GRIK1: variants seen among roughly 807,000 people sequenced by gnomAD.
The protein encoded by GRIK1 is glutamate ionotropic receptor kainate type subunit 1, also known as glutamate receptor ionotropic, kainate 1.
Under a neutral mutation model 105.7 loss-of-function variants are expected in GRIK1, and 69 were observed. The ratio of observed to expected loss-of-function variants is 0.65; its 90% CI spans 0.54 to 0.80. The LOEUF (loss-of-function observed/expected upper bound fraction) is 0.80, where lower values mean the gene tolerates loss of function less well. Ranked by LOEUF, GRIK1 falls within the 30% of genes least tolerant of loss-of-function variation. The probability of loss-of-function intolerance (pLI) is 0.00; values close to 1 mark genes in which losing one functional copy is unlikely to be tolerated. For synonymous variants in GRIK1, 438 were observed against 431.3 expected, an observed-to-expected ratio of 1.02 and a Z score of -0.19; for missense variants, 1,109 against 1,167.3, an observed-to-expected ratio of 0.95 and a Z score of 0.73.
chr21:29,927,257 T>C (rs2071401848), intron 1 of GRIK1, among the ~76,000 whole-genome samples: 1 of 151,802 alleles, frequency 6.6e-6, no homozygotes, highest in Non-Finnish European at 1.5e-5. Flanking sequence ...AATTTATCTA[T>C]GAATACACGT....
intron 1 of GRIK1, among the ~76,000 whole-genome samples, chr21:29,833,734 T>A (rs1385150168): frequency 6.6e-6 from 1 of 151,826 alleles, no homozygotes; most frequent in East Asian, 1.9e-4. Flanking sequence ...GGAACACAAA[T>A]CCAAACCATA....
intron 4 of GRIK1, among the ~76,000 whole-genome samples, chr21:29,660,110 G>T (rs545318330): frequency 2.2e-4 from 34 of 152,188 alleles, no homozygotes; most frequent in Non-Finnish European, 3.1e-4. Context: ...TGACAGCAGT[G>T]ATCCCACATT....
chr21:29,751,617 CCTT>C (rs1601600325), intron 1 of GRIK1, among the ~76,000 whole-genome samples: 1 of 152,268 alleles, frequency 6.6e-6, no homozygotes, highest in Non-Finnish European at 1.5e-5. Flanking sequence ...CTCCATAAGT[CCTT>C]CTTTATTTCT....
At chr21:29,709,705 A>G (rs1029679487) in intron 1 of GRIK1, among the ~76,000 whole-genome samples, 1 of 151,490 alleles carries the variant, frequency 6.6e-6, no homozygotes, top group Non-Finnish European at 1.5e-5. Context: ...ATCATACAAT[A>G]TTTTTTCCTA....
rs532899891 is a variant in GRIK1 at position 29,715,323 on chromosome 21, A to C, written c.119-21260T>G. Among the ~76,000 whole-genome samples, 5 of 152,310 alleles carry C rather than the reference A, an allele frequency of 3.3e-5. No individual in the cohort carries two copies. In the South Asian group the frequency reaches 1.0e-3, roughly 32 times the overall value. The stretch of plus-strand genomic sequence containing the variant: ...ATAATCTGCTGACGCAAGGCAGCTC[A>C]AGGTGGAAAGGGGCTTACACCATTC... On this transcript the variant is annotated intron_variant, in intron 1 of 17. Coordinates refer to ENST00000327783, the MANE Select transcript of GRIK1 (RefSeq NM_001330994.2).
At chr21:29,698,798 G>T (rs1420272408) in intron 1 of GRIK1, among the ~76,000 whole-genome samples, 1 of 152,114 alleles carries the variant, frequency 6.6e-6, no homozygotes, top group Non-Finnish European at 1.5e-5. Flanking sequence ...CGAAGCAAAG[G>T]GTTGGAAAGT....
intron 1 of GRIK1, among the ~76,000 whole-genome samples, chr21:29,710,022 G>A (rs539217083): frequency 6.6e-6 from 1 of 151,482 alleles, no homozygotes; most frequent in East Asian, 1.9e-4. Flanking sequence ...GGTTTGGAAG[G>A]CAGATTGAAA....
intron 3 of GRIK1, among the ~76,000 whole-genome samples, chr21:29,681,319 A>T (rs779879901): frequency 2.6e-4 from 40 of 152,182 alleles, no homozygotes; most frequent in Non-Finnish European, 3.4e-4. Context: ...TTCCAGGCAG[A>T]GCACAAGCTC....
intron 1 of GRIK1, among the ~76,000 whole-genome samples, chr21:29,883,581 C>A (rs977385214): frequency 3.9e-5 from 6 of 152,000 alleles, no homozygotes; most frequent in Non-Finnish European, 7.4e-5. Flanking sequence ...GCTTATTAGA[C>A]CTTCCAAATC....
chr21:29,616,103 A>G (rs1488616071), intron 7 of GRIK1, among the ~76,000 whole-genome samples: 2 of 152,226 alleles, frequency 1.3e-5, no homozygotes, highest in Non-Finnish European at 2.9e-5. Context: ...TGCACTTTCG[A>G]AAGTTAAATC....
intron 1 of GRIK1, among the ~76,000 whole-genome samples, chr21:29,870,115 A>G (rs1042271281): frequency 2.0e-5 from 3 of 152,182 alleles, no homozygotes; most frequent in African/African-American, 7.2e-5. Flanking sequence ...TTCAAATGCA[A>G]TTGAGCATTG....
chr21:29,899,709 T>C (rs1294140668), intron 1 of GRIK1, among the ~76,000 whole-genome samples: 2 of 152,116 alleles, frequency 1.3e-5, no homozygotes, highest in African/African-American at 4.8e-5. Context: ...GAGGGAGGAT[T>C]TGGGGACATC....
At chr21:29,637,681 C>T (rs1049355391) in intron 7 of GRIK1, among the ~76,000 whole-genome samples, 2 of 152,194 alleles carry the variant, frequency 1.3e-5, no homozygotes, top group Non-Finnish European at 2.9e-5. Context: ...ATTCTGCTAG[C>T]ACCTTGATAG....
At chr21:29,666,242 A>G (rs935760611) in intron 4 of GRIK1, among the ~76,000 whole-genome samples, 10 of 152,176 alleles carry the variant, frequency 6.6e-5, no homozygotes, top group African/African-American at 1.2e-4. Flanking sequence ...CATCTCTACT[A>G]AAAATACAAC....
chr21:29,551,646 A>G (rs184138554), intron 16 of GRIK1, among the ~76,000 whole-genome samples: 10,186 of 152,254 alleles, frequency 0.067, 422 homozygotes, highest in Admixed American at 0.13. Flanking sequence ...TTAACTTTTG[A>G]AAGAGATCAT....
chr21:29,565,587 C>G (rs879364961), intron 14 of GRIK1, among the ~76,000 whole-genome samples: 1 of 64,194 alleles, frequency 1.6e-5, no homozygotes, highest in Non-Finnish European at 5.1e-5. Flanking sequence ...CACCTGCTAC[C>G]ATGCCCAGCT....
chr21:29,798,972 C>G (rs2066631285), intron 1 of GRIK1, among the ~76,000 whole-genome samples: 1 of 152,078 alleles, frequency 6.6e-6, no homozygotes, highest in African/African-American at 2.4e-5. Context: ...TTCCATTTGT[C>G]CCTACTGACA....
chr21:29,785,273 G>A (rs551683262), intron 1 of GRIK1, among the ~76,000 whole-genome samples: 9 of 152,166 alleles, frequency 5.9e-5, no homozygotes, highest in African/African-American at 1.7e-4. Flanking sequence ...TTTTAAAAAC[G>A]CTACTTCAGG....
intron 3 of GRIK1, among the ~76,000 whole-genome samples, chr21:29,680,622 A>G (rs2063354143): frequency 6.6e-6 from 1 of 152,248 alleles, no homozygotes; most frequent in African/African-American, 2.4e-5. Context: ...AATTCCAGAA[A>G]TAAACAATTC....
Sources: allele counts gnomAD v4.1 joint callset (sites outside exome capture counted in the v4.1 genomes callset), GRCh38; gene constraint gnomAD v4.1.1; transcripts MANE v1.5; gene names NCBI Gene and HGNC (gene_info 2026-07-23, HGNC 2026-07-21).